The following TMEM91 variants were observed in gnomAD, a reference collection of about 807,000 sequenced individuals.
The protein encoded by TMEM91 is dispanin subfamily C member 3.
TMEM91 carries 6 observed loss-of-function variants against 13.3 expected under a neutral mutation model. The observed-to-expected ratio is 0.45, with a 90% CI of 0.25 to 0.89. TMEM91 has a LOEUF of 0.89. TMEM91 is among the 40% of genes least tolerant of loss of function. The probability of loss-of-function intolerance (pLI) is 0.19; values close to 1 mark genes in which losing one functional copy is unlikely to be tolerated. For missense variants in TMEM91, 193 were observed against 228.7 expected, an observed-to-expected ratio of 0.84 and a Z score of 1.01; for synonymous variants, 87 against 101.7, an observed-to-expected ratio of 0.86 and a Z score of 0.87.
intron 1 of TMEM91, among the ~76,000 whole-genome samples, chr19:41,370,315 G>C (rs957617237): frequency 4.6e-5 from 7 of 151,918 alleles, no homozygotes; most frequent in African/African-American, 1.7e-4. Flanking sequence ...GACCTCAGGT[G>C]ATCTGCCTGC....
intron 3 of TMEM91, chr19:41,383,193 A>T (rs1026196828): frequency 3.7e-5 from 18 of 489,140 alleles, no homozygotes; most frequent in Non-Finnish European, 5.3e-5. Flanking sequence ...AGCTGGGATT[A>T]GAGGCGCGCG....
At chr19:41,371,135 G>C (rs761922123) in intron 1 of TMEM91, among the ~76,000 whole-genome samples, 48 of 151,830 alleles carry the variant, frequency 3.2e-4, no homozygotes, top group Admixed American at 1.1e-3. Flanking sequence ...CCGAGTAGCT[G>C]GGATTACAGG....
At chr19:41,366,525 C>T (rs2038530499) in intron 1 of TMEM91, among the ~76,000 whole-genome samples, 1 of 152,262 alleles carries the variant, frequency 6.6e-6, no homozygotes, top group African/African-American at 2.4e-5. Flanking sequence ...GTCCCATCTG[C>T]TCAGACCCGT....
At chr19:41,367,122 CA>C (rs1415464044) in intron 1 of TMEM91, among the ~76,000 whole-genome samples, 1 of 151,876 alleles carries the variant, frequency 6.6e-6, no homozygotes, top group African/African-American at 2.4e-5. Context: ...GCCTGGGCGA[CA>C]GAGCCAGACT....
chr19:41,381,835 T>C (rs2038895634), intron 2 of TMEM91, among the ~76,000 whole-genome samples: 1 of 151,810 alleles, frequency 6.6e-6, no homozygotes, highest in African/African-American at 2.4e-5. Context: ...TTTTTGCAGG[T>C]TCCTTGTTTC....
intron 1 of TMEM91, among the ~76,000 whole-genome samples, chr19:41,377,614 TGGG>T (rs1322301066): frequency 6.6e-6 from 1 of 151,138 alleles, no homozygotes; most frequent in Non-Finnish European, 1.5e-5. Context: ...GGATGGATAT[TGGG>T]GGTGTTTGTG....
chr19:41,371,885 C>CT (rs1487491005), upstream of TMEM91, among the ~76,000 whole-genome samples: 2 of 151,954 alleles, frequency 1.3e-5, no homozygotes, highest in African/African-American at 2.4e-5. Context: ...CCTGACCCCC[C>CT]TTTTTTTGAC....
chr19:41,378,135 T>C, intron 1 of TMEM91, 146 bp from the exon 2 acceptor site: 2 of 610,640 alleles, frequency 3.3e-6, no homozygotes, highest in Non-Finnish European at 5.7e-6. Context: ...TTTTTTTCTC[T>C]CTGGGCCTCA....
At chr19:41,375,046 T>C (rs1425286342), upstream of TMEM91, among the ~76,000 whole-genome samples, 2 of 152,012 alleles carry the variant, frequency 1.3e-5, no homozygotes, top group African/African-American at 4.8e-5. Context: ...TGCTGACTCA[T>C]GAACATCACT....
At chr19:41,378,625 T>G (rs2038789363) in intron 2 of TMEM91, 106 bp downstream of exon 2, 4 of 1,165,616 alleles carry the variant, frequency 3.4e-6, no homozygotes, top group Non-Finnish European at 3.6e-6. Context: ...GCCTTAGGCC[T>G]GGAGTCTCAC....
chr19:41,368,435 G>T (rs1006441780), intron 1 of TMEM91, among the ~76,000 whole-genome samples: 3 of 142,890 alleles, frequency 2.1e-5, no homozygotes, highest in African/African-American at 8.1e-5. Context: ...TGGGGGGGGT[G>T]GTTATTGGGT....
At chr19:41,372,732 G>T (rs2038644082), upstream of TMEM91, among the ~76,000 whole-genome samples, 1 of 152,058 alleles carries the variant, frequency 6.6e-6, no homozygotes, top group Non-Finnish European at 1.5e-5. Context: ...CCTGTTAATG[G>T]TGATATTAAC....
chr19:41,375,297 T>TTTTTTC (rs869066634), upstream of TMEM91, among the ~76,000 whole-genome samples: 25 of 113,366 alleles, frequency 2.2e-4, 2 homozygotes, highest in Non-Finnish European at 3.4e-4. Flanking sequence ...TTTTTTTTTT[T>TTTTTTC]TGAGACGGAG....
At chr19:41,374,356 G>A (rs1455303317), upstream of TMEM91, 1 of 152,142 alleles carries the variant, frequency 6.6e-6, no homozygotes, top group Non-Finnish European at 1.5e-5. Flanking sequence ...GACGATGATA[G>A]TCTTGTAATC....
chr19:41,383,616 CATGA>C (rs753605240), intron 3 of TMEM91, 95 bp from the exon 4 acceptor site: 1 of 1,613,878 alleles, frequency 6.2e-7, no homozygotes, highest in South Asian at 1.1e-5. Context: ...GGAATACATG[CATGA>C]ATGAATGAAT....
rs1400097880 is a variant in TMEM91, at chr19:41,384,048, AC to A, written c.*177del. The A allele has an allele frequency of 8.4e-7, 1 of 1,190,148 alleles. No individual in the cohort carries two copies. Among genetic ancestry groups the A allele is most frequent in the Non-Finnish European group, 1.1e-6 (1 of 888,968 alleles). The allele number at this position is 1,190,148 out of a possible 1,614,324, so 73.7% of individuals were successfully genotyped here. A position where few individuals can be genotyped will look rare whatever the true frequency, so the allele number is the denominator to read the frequency against. On this transcript the variant is annotated 3_prime_UTR_variant, in exon 4 of 4. Coordinates refer to ENST00000392002, the MANE Select transcript of TMEM91 (RefSeq NM_001098821.2). ...GGCCACCGCTCTTCGGGCGGCAGCA[AC>A]CTGAGATTAAACACCAGACACCCTT... is the stretch of plus-strand genomic sequence containing the variant.
chr19:41,376,320 T>G (rs1284067081), upstream of TMEM91: 1 of 152,206 alleles, frequency 6.6e-6, no homozygotes, highest in Non-Finnish European at 1.5e-5. Context: ...GCTTGCCAGT[T>G]TCCTCCCGCG....
chr19:41,377,965 G>T (rs1018177134), intron 1 of TMEM91, among the ~76,000 whole-genome samples: 2 of 148,500 alleles, frequency 1.3e-5, no homozygotes, highest in Non-Finnish European at 3.0e-5. Context: ...AGTGTGCTGA[G>T]ATCATGCCAC....
In TMEM91 at chr19:41,384,040, C is replaced by T. The variant is rs1363977511; in HGVS notation, c.*167C>T. 4.7e-5 allele frequency: 58 copies of T among 1,236,170 alleles called. No individual in the cohort carries two copies. The highest frequency in any genetic ancestry group is 5.7e-5 in the Non-Finnish European group (53 of 929,208). The allele number at this position is 1,236,170 out of a possible 1,614,324, so 76.6% of individuals were successfully genotyped here. ...CCCTTCCTGGCCACCGCTCTTCGGG[C>T]GGCAGCAACCTGAGATTAAACACCA... On this transcript the variant is annotated 3_prime_UTR_variant, in exon 4 of 4. Transcript: ENST00000392002.
Sources: allele counts gnomAD v4.1 joint callset (sites outside exome capture counted in the v4.1 genomes callset), GRCh38; gene constraint gnomAD v4.1.1; transcripts MANE v1.5; gene names NCBI Gene and HGNC (gene_info 2026-07-23, HGNC 2026-07-21).